The following LARGE1 variants were observed in gnomAD, a reference collection of about 807,000 sequenced individuals.
LARGE1 encodes xylosyl- and glucuronyltransferase LARGE1.
In LARGE1, 43 loss-of-function variants were observed where a neutral mutation model predicts 87.6. The ratio of observed to expected loss-of-function variants is 0.49; its 90% CI spans 0.38 to 0.63. The LOEUF (loss-of-function observed/expected upper bound fraction) is 0.63. Among genes scored for constraint, LARGE1 ranks in the 30% least tolerant of loss-of-function variants. LARGE1 has a pLI of 0.00. For missense variants in LARGE1, 802 were observed against 1,000.2 expected (o/e 0.80, Z 2.67); for synonymous variants, 434 against 394.6 (o/e 1.10, Z -1.18).
At chr22:33,365,616 CT>C (rs199897896) in intron 9 of LARGE1, among the ~76,000 whole-genome samples, 321 of 139,200 alleles carry the variant, frequency 2.3e-3, no homozygotes, top group South Asian at 4.8e-3. Flanking sequence ...GCTTTTCTCT[CT>C]TTTTTTTTTT....
chr22:33,392,697 C>T (rs1177605723), intron 7 of LARGE1, among the ~76,000 whole-genome samples: 1 of 152,080 alleles, frequency 6.6e-6, no homozygotes, highest in Non-Finnish European at 1.5e-5. Context: ...AGAAAAATGG[C>T]ATCTTTAAAG....
At chr22:33,272,037 A>G (rs1928283091), downstream of LARGE1, among the ~76,000 whole-genome samples, 1 of 152,230 alleles carries the variant, frequency 6.6e-6, no homozygotes, top group Non-Finnish European at 1.5e-5. Context: ...GACAAATTAC[A>G]TGGTCACCAG....
chr22:33,764,318 G>A (rs145860697), intron 1 of LARGE1, among the ~76,000 whole-genome samples: 2 of 152,222 alleles, frequency 1.3e-5, no homozygotes, highest in East Asian at 3.9e-4. Flanking sequence ...AGGGATCTGT[G>A]AGGGCCTGGT....
intron 9 of LARGE1, among the ~76,000 whole-genome samples, chr22:33,369,206 AC>A (rs927057041): frequency 2.2e-4 from 33 of 152,246 alleles, no homozygotes; most frequent in Non-Finnish European, 7.3e-5. Flanking sequence ...AGATATAATA[AC>A]AATGAACATT....
intron 7 of LARGE1, among the ~76,000 whole-genome samples, chr22:33,402,724 T>G (rs76449625): frequency 5.3e-5 from 8 of 152,212 alleles, no homozygotes; most frequent in Non-Finnish European, 1.2e-4. Context: ...CTATTGTTAT[T>G]ACCTGGGGTA....
chr22:33,537,574 A>G (rs1238761350), intron 6 of LARGE1, among the ~76,000 whole-genome samples: 1 of 151,808 alleles, frequency 6.6e-6, no homozygotes, highest in East Asian at 1.9e-4. Flanking sequence ...TTATTTGTTT[A>G]TTTGTTTTTT....
chr22:33,431,181 C>T, intron 7 of LARGE1, among the ~76,000 whole-genome samples: 1 of 152,190 alleles, frequency 6.6e-6, no homozygotes, highest in East Asian at 1.9e-4. Flanking sequence ...CAAAGATAGA[C>T]ACTGATGGGA....
chr22:33,487,639 C>T (rs1033632981), intron 6 of LARGE1, among the ~76,000 whole-genome samples: 1 of 152,176 alleles, frequency 6.6e-6, no homozygotes, highest in Non-Finnish European at 1.5e-5. Context: ...ACAAAGGATG[C>T]AGAGCCTGTG....
At chr22:33,824,731 T>A (rs1471492805) in intron 1 of LARGE1, among the ~76,000 whole-genome samples, 1 of 152,168 alleles carries the variant, frequency 6.6e-6, no homozygotes, top group Non-Finnish European at 1.5e-5. Flanking sequence ...AGTCCAAACA[T>A]TTTCTAATAA....
At chr22:33,811,452 T>C (rs185441940) in intron 1 of LARGE1, among the ~76,000 whole-genome samples, 3 of 152,316 alleles carry the variant, frequency 2.0e-5, no homozygotes, top group East Asian at 1.9e-4. Context: ...ACCTCTTAAG[T>C]GATCATTTGC....
intron 6 of LARGE1, among the ~76,000 whole-genome samples, chr22:33,481,031 G>T (rs2069297992): frequency 6.6e-6 from 1 of 151,658 alleles, no homozygotes; most frequent in Non-Finnish European, 1.5e-5. Context: ...AATACTAAAA[G>T]CTCCCTATTC....
intron 6 of LARGE1, among the ~76,000 whole-genome samples, chr22:33,494,342 G>T (rs2069998937): frequency 6.6e-6 from 1 of 152,190 alleles, no homozygotes; most frequent in Admixed American, 6.5e-5. Flanking sequence ...AACTGAGGAC[G>T]TTTCCCTTGG....
chr22:33,772,577 G>T (rs981080902), intron 1 of LARGE1, among the ~76,000 whole-genome samples: 1 of 151,916 alleles, frequency 6.6e-6, no homozygotes, highest in African/African-American at 2.4e-5. Flanking sequence ...TATCCCTCTA[G>T]ACTGGATCTT....
chr22:33,591,174 C>T (rs544962376), intron 5 of LARGE1, among the ~76,000 whole-genome samples: 20 of 152,338 alleles, frequency 1.3e-4, no homozygotes, highest in African/African-American at 4.8e-4. Context: ...GCACTCCAGC[C>T]TGGGCAAAGA....
rs1237863409 is a variant in LARGE1, at chr22:33,716,890, C to A, written c.106+44481G>T. On this transcript the variant is annotated intron_variant, in intron 2 of 14. Coordinates refer to ENST00000397394, the MANE Select transcript of LARGE1 (RefSeq NM_133642.5). ...AAGGCGAAAAGACCTGCAGAGATGC[C>A]CATTCAGAGCACAGACATTATGGAA... 3.3e-5 allele frequency among the ~76,000 whole-genome samples: 5 copies of A among 152,142 alleles called. 1 individual carries two copies. Among genetic ancestry groups the A allele is most frequent in the African/African-American group, 1.2e-4 (5 of 41,418 alleles).
chr22:33,892,615 TA>T (rs1448050505), intron 1 of LARGE1, among the ~76,000 whole-genome samples: 3 of 152,172 alleles, frequency 2.0e-5, no homozygotes, highest in African/African-American at 7.2e-5. Flanking sequence ...TGGCTCTGAA[TA>T]AATGAACAAA....
At chr22:33,242,606 AT>A (rs1926574499) in intron 11 of LARGE1, among the ~76,000 whole-genome samples, 1 of 152,094 alleles carries the variant, frequency 6.6e-6, no homozygotes, top group South Asian at 2.1e-4. Context: ...AAGGAGGACA[AT>A]TTTTATTTAT....
At chr22:33,442,385 T>C (rs2067510804) in intron 6 of LARGE1, among the ~76,000 whole-genome samples, 1 of 152,188 alleles carries the variant, frequency 6.6e-6, no homozygotes, top group African/African-American at 2.4e-5. Flanking sequence ...CCAGCTACCA[T>C]TTGCCAGGCT....
intron 10 of LARGE1, among the ~76,000 whole-genome samples, chr22:33,329,275 C>T (rs1937499679): frequency 6.6e-6 from 1 of 151,540 alleles, no homozygotes; most frequent in African/African-American, 2.4e-5. Context: ...TGTTGACTTA[C>T]AATTCCATAT....
Sources: gnomAD v4.1 joint callset for allele counts (sites outside exome capture counted in the v4.1 genomes callset) on GRCh38, gnomAD v4.1.1 for gene constraint, MANE v1.5 for transcripts, NCBI Gene and HGNC (gene_info 2026-07-23, HGNC 2026-07-21) for gene names.